Variants in MDGA2 observed in about 807,000 individuals in gnomAD.
The protein encoded by MDGA2 is MAM domain containing glycosylphosphatidylinositol anchor 2, also known as MAM domain-containing glycosylphosphatidylinositol anchor protein 2.
MDGA2 carries 40 observed loss-of-function variants against 117.8 expected under a neutral mutation model. That is an observed-to-expected ratio of 0.34 (90% CI 0.26 to 0.44). MDGA2 has a LOEUF of 0.44. MDGA2 is among the 20% of genes least tolerant of loss of function. The pLI is 1.00. For synonymous variants in MDGA2, 452 were observed against 439.0 expected, an observed-to-expected ratio of 1.03 and a Z score of -0.37; for missense variants, 1,123 against 1,250.6, an observed-to-expected ratio of 0.90 and a Z score of 1.54.
intron 14 of MDGA2, among the ~76,000 whole-genome samples, chr14:46,856,034 C>A (rs375056818): frequency 6.6e-6 from 1 of 151,904 alleles, no homozygotes. Flanking sequence ...AAATATATAT[C>A]AAACACTTAC....
rs112093586 is a variant in MDGA2 at position 47,609,984 on chromosome 14, C to T, written c.280+64533G>A. 3.3e-4 allele frequency among the ~76,000 whole-genome samples: 50 copies of T among 151,976 alleles called. 1 individual carries two copies. The highest frequency in any genetic ancestry group is 9.7e-4 in the East Asian group (5 of 5,150). ...AAATCCTTAACACAATACTAGCTAACGGAATCCACCATGATCAAGTGGGTT... is the reference window on the plus strand; with the variant it reads ...AAATCCTTAACACAATACTAGCTAATGGAATCCACCATGATCAAGTGGGTT... On this transcript the variant is annotated intron_variant, in intron 1 of 16. Coordinates refer to ENST00000399232, the MANE Select transcript of MDGA2 (RefSeq NM_001113498.3).
chr14:47,385,682 T>C (rs561598807), intron 1 of MDGA2, among the ~76,000 whole-genome samples: 5 of 152,182 alleles, frequency 3.3e-5, no homozygotes, highest in Non-Finnish European at 7.3e-5. Context: ...ATGCTGTCAC[T>C]GTTTCTTTCT....
chr14:47,500,289 C>T (rs532784255), intron 1 of MDGA2, among the ~76,000 whole-genome samples: 21 of 152,202 alleles, frequency 1.4e-4, no homozygotes, highest in Non-Finnish European at 2.8e-4. Context: ...AACAGGAATT[C>T]TTTCCCTATT....
At chr14:47,294,096 T>C (rs1008462549) in intron 2 of MDGA2, among the ~76,000 whole-genome samples, 3 of 147,534 alleles carry the variant, frequency 2.0e-5, no homozygotes, top group Admixed American at 6.8e-5. Flanking sequence ...GCCATTGATA[T>C]GGCAATCTTT....
chr14:47,094,230 C>T (rs942279258), intron 6 of MDGA2, among the ~76,000 whole-genome samples: 1 of 151,934 alleles, frequency 6.6e-6, no homozygotes, highest in Non-Finnish European at 1.5e-5. Context: ...AGAAGTCTCA[C>T]TGGCAATATA....
chr14:47,557,372 T>C (rs544449419), intron 1 of MDGA2, among the ~76,000 whole-genome samples: 19 of 152,318 alleles, frequency 1.2e-4, no homozygotes, highest in Admixed American at 1.0e-3. Context: ...TGTCATTTTA[T>C]CTCTGGGAAA....
chr14:47,208,960 T>C (rs555522807), intron 3 of MDGA2, among the ~76,000 whole-genome samples: 1 of 152,230 alleles, frequency 6.6e-6, no homozygotes, highest in African/African-American at 2.4e-5. Flanking sequence ...ATTACAAATG[T>C]ATTCCTGAGA....
intron 2 of MDGA2, among the ~76,000 whole-genome samples, chr14:47,260,728 T>C (rs1415212853): frequency 6.6e-6 from 1 of 152,026 alleles, no homozygotes; most frequent in African/African-American, 2.4e-5. Flanking sequence ...CTGGACTGGG[T>C]CTGAACACAT....
At chr14:47,400,753 CT>C (rs1169958786) in intron 1 of MDGA2, among the ~76,000 whole-genome samples, 247 of 19,950 alleles carry the variant, frequency 0.012, 4 homozygotes, top group East Asian at 0.036. Context: ...CTTTTCTTTT[CT>C]TTTCTTTTTT....
At chr14:47,213,257 C>T (rs757265777) in intron 3 of MDGA2, among the ~76,000 whole-genome samples, 1 of 152,176 alleles carries the variant, frequency 6.6e-6, no homozygotes, top group Non-Finnish European at 1.5e-5. Context: ...AAAAGCTTTA[C>T]TCAGTTGCCT....
chr14:46,841,789 A>T lies in MDGA2; in HGVS notation c.*142T>A. The T allele has an allele frequency of 1.9e-6, 1 of 539,280 alleles. No individual in the cohort carries two copies. 33.4% of individuals were successfully genotyped at this position (539,280 alleles called of 1,614,324 possible). A position where few individuals can be genotyped will look rare whatever the true frequency, so the allele number is the denominator to read the frequency against. ...GTCTTTTTATCCCCAGTGCTTAAAA[A>T]AATTTGTTTTTATTATTTTATTTTT... is the stretch of plus-strand genomic sequence containing the variant. On this transcript the variant is annotated 3_prime_UTR_variant, in exon 17 of 17. Transcript: ENST00000399232.
chr14:47,359,922 C>T (rs978980776), intron 1 of MDGA2, among the ~76,000 whole-genome samples: 4 of 151,754 alleles, frequency 2.6e-5, no homozygotes. Context: ...AAAGAGACAA[C>T]AAAATGAAAA....
chr14:46,973,854 A>G (rs1886356526), intron 8 of MDGA2, among the ~76,000 whole-genome samples: 1 of 152,204 alleles, frequency 6.6e-6, no homozygotes, highest in South Asian at 2.1e-4. Context: ...AAAAGCAACA[A>G]AATCAACATA....
intron 8 of MDGA2, among the ~76,000 whole-genome samples, chr14:46,976,785 C>T (rs889464073): frequency 6.6e-6 from 1 of 151,724 alleles, no homozygotes; most frequent in African/African-American, 2.4e-5. Context: ...AGTAATTCTT[C>T]TAGAATTGAG....
At chr14:47,541,160 A>C (rs1207784520) in intron 1 of MDGA2, among the ~76,000 whole-genome samples, 1 of 152,220 alleles carries the variant, frequency 6.6e-6, no homozygotes, top group Non-Finnish European at 1.5e-5. Context: ...TGAAAAGAGT[A>C]ATTATTTATG....
At chr14:47,503,570 A>T (rs1192659848) in intron 1 of MDGA2, among the ~76,000 whole-genome samples, 2 of 151,866 alleles carry the variant, frequency 1.3e-5, no homozygotes, top group Admixed American at 1.3e-4. Flanking sequence ...ACGCCCAGCT[A>T]ATTTTTTGTA....
At chr14:47,338,481 T>C (rs1215595446) in intron 1 of MDGA2, among the ~76,000 whole-genome samples, 3 of 151,956 alleles carry the variant, frequency 2.0e-5, no homozygotes, top group African/African-American at 7.2e-5. Flanking sequence ...ACATGAATAT[T>C]AGTCTCTTTT....
chr14:47,506,965 A>G (rs1389919777), intron 1 of MDGA2, among the ~76,000 whole-genome samples: 1 of 150,032 alleles, frequency 6.7e-6, no homozygotes, highest in Non-Finnish European at 1.5e-5. Context: ...ACTAGGAGGT[A>G]GTGGAAGAAG....
chr14:46,979,170 T>C (rs1419594953), intron 8 of MDGA2, among the ~76,000 whole-genome samples: 1 of 152,114 alleles, frequency 6.6e-6, no homozygotes, highest in Non-Finnish European at 1.5e-5. Context: ...TTTTCAGTGA[T>C]CTTACTATTG....
Sources: allele counts gnomAD v4.1 joint callset (sites outside exome capture counted in the v4.1 genomes callset), GRCh38; gene constraint gnomAD v4.1.1; transcripts MANE v1.5; gene names NCBI Gene and HGNC (gene_info 2026-07-23, HGNC 2026-07-21).